METTL17: variants seen among roughly 807,000 people sequenced by gnomAD.
METTL17 encodes methyltransferase like 17, also known as ribosome assembly protein METTL17, mitochondrial.
In METTL17, 49 loss-of-function variants were observed where a neutral mutation model predicts 59.4. The ratio of observed to expected loss-of-function variants is 0.82; its 90% CI spans 0.66 to 1.05. The LOEUF (loss-of-function observed/expected upper bound fraction) is 1.05, where lower values mean the gene tolerates loss of function less well. Among genes scored for constraint, METTL17 ranks in the 50% least tolerant of loss-of-function variants. METTL17 has a pLI of 0.00. For missense variants in METTL17, 555 were observed against 578.4 expected, an observed-to-expected ratio of 0.96 and a Z score of 0.41; for synonymous variants, 208 against 209.2, an observed-to-expected ratio of 0.99 and a Z score of 0.05.
At position 20,990,829 on chromosome 14, in the gene METTL17, T is replaced by TGG. The variant is rs1555321032; in HGVS notation, c.364+231_364+232insGG. On this transcript the variant is annotated intron_variant, in intron 3 of 13. Transcript: ENST00000339374. The stretch of plus-strand genomic sequence containing the variant: ...ACTGTTTTTTGTTTGTTTGTTTGTT[T>TGG]TGTTGTTTTGTTTTTGCTTTGAGAC... 3.6e-3 allele frequency: 1,997 copies of TGG among 560,596 alleles called. 10 individuals are homozygous for TGG. The highest frequency in any genetic ancestry group is 4.3e-3 in the Non-Finnish European group (1,423 of 327,716). The allele number at this position is 560,596 out of a possible 1,614,324, so 34.7% of individuals were successfully genotyped here.
At chr14:20,994,729 G>T in intron 8 of METTL17, 65 bp from the exon 9 acceptor site, 1 of 1,535,020 alleles carries the variant, frequency 6.5e-7, no homozygotes, top group Admixed American at 1.7e-5. Flanking sequence ...TAGCGGCTAG[G>T]ACTTTGTTGT....
At chr14:20,992,819 T>G (rs997816587) in intron 5 of METTL17, 197 bp downstream of exon 5, 1 of 610,332 alleles carries the variant, frequency 1.6e-6, no homozygotes, top group Non-Finnish European at 2.9e-6. Context: ...CTTGAGCCAG[T>G]TTGAGGCTGC....
Position 20,994,816 on chromosome 14 carries a change from CA to C in METTL17, c.792del (p.Ala265LeufsTer4), listed in dbSNP as rs1880263335. 6.2e-7 allele frequency: 1 copy of C among 1,613,918 alleles called. No homozygotes were observed. On this transcript the variant is annotated frameshift_variant, in exon 9 of 14. Coordinates refer to ENST00000339374, the MANE Select transcript of METTL17 (RefSeq NM_022734.3). LOFTEE classifies it high-confidence loss of function. ...CAGGTGCAGTTTGATGTAGTAGTGT[CA>C]GCTTTTTCCTTAAGTGAACTGCCCA... ...SPKVQFDVVV[S>X]AFSLSELPSK...
At chr14:20,992,337 T>G (rs1437113459) in intron 4 of METTL17, 132 bp downstream of exon 4, 1 of 750,580 alleles carries the variant, frequency 1.3e-6, no homozygotes, top group Non-Finnish European at 2.2e-6. Flanking sequence ...CAATTTAGTA[T>G]TTGAAAAAGC....
At chr14:20,994,128 T>TACTTC in intron 7 of METTL17, 65 bp downstream of exon 7, 2 of 1,184,966 alleles carry the variant, frequency 1.7e-6, no homozygotes, top group Non-Finnish European at 2.5e-6. Context: ...AGTAAAAGTG[T>TACTTC]TTTACTGGGA....
chr14:20,994,945 C>T (rs761361198), intron 9 of METTL17, 44 bp downstream of exon 9: 2 of 1,441,278 alleles, frequency 1.4e-6, no homozygotes, highest in Non-Finnish European at 1.9e-6. Flanking sequence ...GAAGCAGCTT[C>T]ATGGATTTCA....
In METTL17 at chr14:20,996,937, G is replaced by A. The variant is rs1048253487; in HGVS notation, c.*47G>A. 1.3e-6 allele frequency: 2 copies of A among 1,563,862 alleles called. No homozygotes were observed. Among genetic ancestry groups the A allele is most frequent in the African/African-American group, 1.3e-5 (1 of 74,380 alleles). ...TTCTTCTATCGTGCCTGCCAGGGCTGAAGCTGCCTGGTATCCAGGAGGGGA... is the reference window on the plus strand; with the variant it reads ...TTCTTCTATCGTGCCTGCCAGGGCTAAAGCTGCCTGGTATCCAGGAGGGGA... On this transcript the variant is annotated 3_prime_UTR_variant, in exon 14 of 14. Transcript: ENST00000339374.
intron 3 of METTL17, chr14:20,990,882 A>C: frequency 2.5e-6 from 1 of 396,722 alleles, no homozygotes; most frequent in Non-Finnish European, 4.6e-6. Context: ...CCCAGGCTGA[A>C]GTGTAATGCT....
intron 3 of METTL17, chr14:20,991,923 T>C (rs2771346): frequency 0.28 from 143,863 of 511,600 alleles, 21,479 homozygotes; most frequent in Non-Finnish European, 0.33. Flanking sequence ...ATAAATAAAA[T>C]GCTATCTGAT....
intron 7 of METTL17, 102 bp downstream of exon 7, chr14:20,994,165 T>C: frequency 1.2e-6 from 1 of 823,648 alleles, no homozygotes; most frequent in Non-Finnish European, 2.0e-6. Context: ...AAAATTAAGA[T>C]GAATCTGGTT....
rs768495064 is a variant in METTL17, at chr14:20,996,271, C to T, written c.1059C>T (p.Tyr353=). ...TNLACSFSQA[Y]HPIPFSWNKK... The stretch of plus-strand genomic sequence containing the variant: ...TGGCCTGTAGCTTCTCACAGGCGTA[C>T]CATCCCATCCCCTTCAGCTGGGTAG... The change falls in exon 12 of 14, where the codon TAC becomes TAT. Residue 353 remains tyrosine, a synonymous_variant. Transcript: ENST00000339374. 1 of 1,614,088 alleles carries T rather than the reference C, an allele frequency of 6.2e-7. No individual in the cohort carries two copies. Among genetic ancestry groups the T allele is most frequent in the Non-Finnish European group, 8.5e-7 (1 of 1,179,984 alleles).
At chr14:20,995,277 A>G (rs906781649) in intron 10 of METTL17, 44 bp downstream of exon 10, 2 of 1,496,552 alleles carry the variant, frequency 1.3e-6, no homozygotes, top group African/African-American at 1.4e-5. Context: ...TATGGCACCA[A>G]TTACTGTTAC....
In METTL17 at chr14:20,994,624, G is replaced by A; in HGVS notation, c.768+11G>A. ...CCTGTATCACCCAAGGCAAGTGGCA[G>A]TGTTTAGAATATTCTAAATGTGGAA... On this transcript the variant is annotated intron_variant, in intron 8 of 13. Transcript: ENST00000339374. The A allele has an allele frequency of 6.2e-7, 1 of 1,612,886 alleles. No individual in the cohort carries two copies. Among genetic ancestry groups the A allele is most frequent in the Non-Finnish European group, 8.5e-7 (1 of 1,178,834 alleles).
In METTL17 at chr14:20,995,240, C is replaced by G; in HGVS notation, c.945+7C>G. On this transcript the variant is annotated splice_region_variant and intron_variant, in intron 10 of 13. Coordinates refer to ENST00000339374, the MANE Select transcript of METTL17 (RefSeq NM_022734.3). ...CAGGGATCTGGTCCTTAAGGTAAGGCTTCTTCTTCCCTCACTCCCCCACCC... is the reference window on the plus strand; with the variant it reads ...CAGGGATCTGGTCCTTAAGGTAAGGGTTCTTCTTCCCTCACTCCCCCACCC... 2 of 1,612,224 alleles carry G rather than the reference C, an allele frequency of 1.2e-6. No individual in the cohort carries two copies. Among genetic ancestry groups the G allele is most frequent in the South Asian group, 2.2e-5 (2 of 91,048 alleles).
At chr14:20,995,041 G>A (rs1880280814) in intron 9 of METTL17, 124 bp from the exon 10 acceptor site, 16 of 1,148,238 alleles carry the variant, frequency 1.4e-5, no homozygotes, top group Non-Finnish European at 2.1e-5. Flanking sequence ...TCTCCATCCT[G>A]ATTATGTAAT....
chr14:20,991,322 T>C (rs1485190450), intron 3 of METTL17, among the ~76,000 whole-genome samples: 1 of 152,134 alleles, frequency 6.6e-6, no homozygotes, highest in East Asian at 1.9e-4. Context: ...GACACTACCA[T>C]TTATTCATCT....
At chr14:20,994,124 AGT>A in intron 7 of METTL17, 61 bp downstream of exon 7, 2 of 1,226,236 alleles carry the variant, frequency 1.6e-6, no homozygotes, top group Non-Finnish European at 2.4e-6. Flanking sequence ...TACTAGTAAA[AGT>A]GTTTTACTGG....
At chr14:20,992,951 G>T (rs1880119389) in intron 5 of METTL17, 167 bp from the exon 6 acceptor site, 2 of 651,938 alleles carry the variant, frequency 3.1e-6, no homozygotes, top group South Asian at 3.7e-5. Context: ...CCCAAGAAAG[G>T]TTTAGAATCA....
rs1879940232 is a variant in METTL17, at chr14:20,990,042, T to C, written c.40T>C (p.Trp14Arg). 8 of 1,613,068 alleles carry C rather than the reference T, an allele frequency of 5.0e-6. No homozygotes were observed. Among genetic ancestry groups the C allele is most frequent in the East Asian group, 2.2e-5 (1 of 44,872 alleles). The change falls in exon 1 of 14, where the codon TGG becomes CGG. Residue 14 changes from tryptophan to arginine, a missense_variant. Trp to Arg is a moderately radical substitution (Grantham distance 101, BLOSUM62 -3). Transcript: ENST00000339374. The stretch of plus-strand genomic sequence containing the variant: ...GAAGTGTCTACTGACATTAGGAAGA[T>C]GGTGCCCCGGCCTTGGAGTGGCTCC... ...ALKCLLTLGRWCPGLGVAPQA... is the reference protein window; with the variant it reads ...ALKCLLTLGRRCPGLGVAPQA...
Sources: gnomAD v4.1 joint callset for allele counts (sites outside exome capture counted in the v4.1 genomes callset) on GRCh38, gnomAD v4.1.1 for gene constraint, MANE v1.5 for transcripts, NCBI Gene and HGNC (gene_info 2026-07-23, HGNC 2026-07-21) for gene names.